BCOR: variants seen among roughly 807,000 people sequenced by gnomAD.
BCOR encodes the protein BCL6 corepressor.
BCOR carries 10 observed loss-of-function variants against 86.7 expected under a neutral mutation model. That is an observed-to-expected ratio of 0.12 (90% CI 0.07 to 0.20). BCOR has a LOEUF of 0.20. BCOR is among the 10% of genes least tolerant of loss of function. BCOR has a pLI of 1.00. For synonymous variants in BCOR, 611 were observed against 609.0 expected (o/e 1.00, Z -0.05); for missense variants, 1,259 against 1,452.1 (o/e 0.87, Z 2.16).
chrX:40,132,491 C>G (rs968811515), intron 1 of BCOR, among the ~76,000 whole-genome samples: 1 of 111,366 alleles, frequency 9.0e-6, no homozygotes, highest in African/African-American at 3.3e-5. Context: ...GTTGCCCAGG[C>G]TGGTCTCCAA....
intron 1 of BCOR, among the ~76,000 whole-genome samples, chrX:40,160,411 C>T (rs1938388519): frequency 9.1e-6 from 1 of 109,570 alleles, no homozygotes; most frequent in Non-Finnish European, 1.9e-5. Context: ...TGAGCCACCA[C>T]GCCCGGCCGG....
chrX:40,112,048 G>T (rs932445405), intron 1 of BCOR, among the ~76,000 whole-genome samples: 6 of 110,487 alleles, frequency 5.4e-5, no homozygotes, highest in Non-Finnish European at 9.5e-5. Context: ...GGGCCGGGGT[G>T]GGGGGGCGGC....
At chrX:40,167,612 C>T (rs1185363584) in intron 1 of BCOR, among the ~76,000 whole-genome samples, 1 of 113,053 alleles carries the variant, frequency 8.8e-6, no homozygotes, top group African/African-American at 3.2e-5. Context: ...GCCGCCTGCT[C>T]GGCTTTTATT....
chrX:40,072,177 A>G, intron 4 of BCOR, 172 bp downstream of exon 4: 1 of 492,377 alleles, frequency 2.0e-6, no homozygotes, highest in Non-Finnish European at 3.5e-6. Flanking sequence ...GACACGCCTC[A>G]GTGCTACCAC....
At chrX:40,093,573 C>T (rs1389770722) in intron 1 of BCOR, among the ~76,000 whole-genome samples, 1 of 112,352 alleles carries the variant, frequency 8.9e-6, no homozygotes. Flanking sequence ...AACGATGGAT[C>T]TCACAACACA....
At chrX:40,052,666 G>A (rs925687165) in intron 14 of BCOR, among the ~76,000 whole-genome samples, 19 of 100,685 alleles carry the variant, frequency 1.9e-4, no homozygotes, top group Non-Finnish European at 3.5e-4. Context: ...CCAGGTTCAC[G>A]CCATTCTCCC....
In BCOR at chrX:40,074,308, G is replaced by A. The variant is rs773135935; in HGVS notation, c.1038C>T (p.Pro346=). 3 of 1,212,291 alleles carry A rather than the reference G, an allele frequency of 2.5e-6. No individual in the cohort carries two copies. The highest frequency in any genetic ancestry group is 5.9e-5 in the East Asian group (2 of 33,847). The change falls in exon 4 of 15, where the codon CCC becomes CCT. Residue 346 remains proline, a synonymous_variant. Coordinates refer to ENST00000378444, the MANE Select transcript of BCOR (RefSeq NM_001123385.2). ...AGTAGGTGTCTGCAGCAGGCTGGGTGGGAAGGTGGACTCGGGGTGACGGCC... is the reference window on the plus strand; with the variant it reads ...AGTAGGTGTCTGCAGCAGGCTGGGTAGGAAGGTGGACTCGGGGTGACGGCC... The part of the protein sequence containing the change: ...SPRPSPRVHL[P]TQPAADTYSE...
intron 1 of BCOR, among the ~76,000 whole-genome samples, chrX:40,175,643 T>C (rs1379583415): frequency 2.7e-5 from 3 of 112,593 alleles, no homozygotes; most frequent in Non-Finnish European, 5.6e-5. Flanking sequence ...CGCGTCGTCC[T>C]AGACTCCGCG....
At chrX:40,122,534 A>G (rs757525046) in intron 1 of BCOR, among the ~76,000 whole-genome samples, 4 of 111,964 alleles carry the variant, frequency 3.6e-5, no homozygotes, top group Non-Finnish European at 7.5e-5. Flanking sequence ...TTATTCCTTG[A>G]GGGCACGATC....
chrX:40,155,314 C>G (rs746726383), intron 1 of BCOR, among the ~76,000 whole-genome samples: 2 of 112,315 alleles, frequency 1.8e-5, no homozygotes, highest in African/African-American at 6.5e-5. Context: ...AAGGGGCGCA[C>G]CGCAGTGCCG....
At chrX:40,168,249 A>G (rs1325773137) in intron 1 of BCOR, among the ~76,000 whole-genome samples, 3 of 113,044 alleles carry the variant, frequency 2.7e-5, no homozygotes, top group Non-Finnish European at 5.6e-5. Flanking sequence ...GAGCTCAGGA[A>G]GCATTTTAGG....
chrX:40,073,845 T>C lies in BCOR; in HGVS notation c.1501A>G (p.Ile501Val), dbSNP rs1292475710. Residue 501 changes from isoleucine (I) to valine (V), a missense_variant, in exon 4 of 15, where the codon ATC becomes GTC. By Grantham distance (29) the Ile-to-Val change is conservative. This residue lies in a region of BCOR where 534 missense variants were observed against 594.8 expected (regional missense o/e 0.90). Coordinates refer to ENST00000378444, the MANE Select transcript of BCOR (RefSeq NM_001123385.2). ...GNGCAIYRSE[I>V]ISTAPSSWVV... is the part of the protein sequence containing the mutation. ...CAGGATGAGGGAGCAGTGCTGATGA[T>C]TTCAGATCTATAGATAGCACAACCA... 8.2e-7 allele frequency: 1 copy of C among 1,212,230 alleles called. No homozygotes were observed. The highest frequency in any genetic ancestry group is 2.2e-5 in the Admixed American group (1 of 46,148).
At chrX:40,064,176 G>A (rs1935061179) in intron 7 of BCOR, among the ~76,000 whole-genome samples, 160 bp downstream of exon 7, 1 of 111,260 alleles carries the variant, frequency 9.0e-6, no homozygotes, top group African/African-American at 3.3e-5. Flanking sequence ...AGGCAGTGTG[G>A]GAATGGAGAG....
intron 9 of BCOR, 125 bp from the exon 10 acceptor site, chrX:40,062,518 G>C (rs5963730): frequency 6.4e-6 from 6 of 944,818 alleles, no homozygotes; most frequent in Non-Finnish European, 8.7e-6. Flanking sequence ...ATCTTTTTTT[G>C]GGGGTGGGGG....
In BCOR at chrX:40,073,148, G is replaced by C; in HGVS notation, c.2198C>G (p.Thr733Arg). The C allele has an allele frequency of 8.3e-7, 1 of 1,211,894 alleles. No individual in the cohort carries two copies. The highest frequency in any genetic ancestry group is 1.1e-6 in the Non-Finnish European group (1 of 895,450). Residue 733 changes from threonine (T) to arginine (R), a missense_variant, in exon 4 of 15, where the codon ACG (threonine) becomes AGG (arginine). Around this residue, in one of 7 missense-constraint regions of BCOR, gnomAD observed 534 missense variants for 594.8 expected, o/e 0.90. Transcript: ENST00000378444. ...GMVHPMLIPH[T>R]PIEITKEEKP... is the part of the protein sequence containing the mutation. ...CTCCTCTTTAGTAATCTCTATGGGC[G>C]TGTGTGGTATCAACATGGGATGCAC...
chrX:40,128,306 G>C (rs1222235952), intron 1 of BCOR, among the ~76,000 whole-genome samples: 2 of 111,350 alleles, frequency 1.8e-5, no homozygotes, highest in Admixed American at 1.9e-4. Flanking sequence ...AGCACTTTGG[G>C]AGGCCGAGGC....
chrX:40,110,229 G>T (rs925712556), intron 1 of BCOR, among the ~76,000 whole-genome samples: 1 of 111,235 alleles, frequency 9.0e-6, no homozygotes, highest in Admixed American at 9.5e-5. Context: ...GCCTCCTTAT[G>T]AATCATTATG....
intron 11 of BCOR, 53 bp downstream of exon 11, chrX:40,057,102 T>TAGGGA (rs1332168145): frequency 8.3e-5 from 98 of 1,179,359 alleles, no homozygotes; most frequent in Non-Finnish European, 1.1e-4. Context: ...ACCGCACAGA[T>TAGGGA]AGGGAAGCTT....
intron 1 of BCOR, among the ~76,000 whole-genome samples, chrX:40,089,454 G>A (rs186377408): frequency 9.0e-6 from 1 of 111,711 alleles, no homozygotes; most frequent in East Asian, 2.8e-4. Context: ...ATGTACCCAA[G>A]AACGAGGCAA....
Sources: allele counts gnomAD v4.1 joint callset (sites outside exome capture counted in the v4.1 genomes callset), GRCh38; gene constraint gnomAD v4.1.1; regional missense constraint gnomAD v4.1.1; transcripts MANE v1.5; gene names NCBI Gene and HGNC (gene_info 2026-07-23, HGNC 2026-07-21).